Variants in ZMYND8 observed in about 807,000 individuals in gnomAD.
ZMYND8 encodes the protein MYND-type zinc finger-containing chromatin reader ZMYND8.
In ZMYND8, 37 loss-of-function variants were observed where a neutral mutation model predicts 140.8. The ratio of observed to expected loss-of-function variants is 0.26; its 90% CI spans 0.20 to 0.35. The LOEUF is 0.35. ZMYND8 is among the 10% of genes least tolerant of loss of function. The pLI, the probability that ZMYND8 is intolerant of heterozygous loss-of-function variation, is 1.00. For synonymous variants in ZMYND8, 592 were observed against 597.1 expected, an observed-to-expected ratio of 0.99 and a Z score of 0.12; for missense variants, 1,068 against 1,570.0, an observed-to-expected ratio of 0.68 and a Z score of 5.40.
At chr20:47,249,220 G>T in intron 13 of ZMYND8, 67 bp downstream of exon 13, 1 of 1,548,688 alleles carries the variant, frequency 6.5e-7, no homozygotes, top group Non-Finnish European at 8.8e-7. Context: ...TTTCATCCAG[G>T]TGGTATCCCT....
At chr20:47,335,051 G>T (rs2081286265) in intron 2 of ZMYND8, among the ~76,000 whole-genome samples, 1 of 152,028 alleles carries the variant, frequency 6.6e-6, no homozygotes, top group Non-Finnish European at 1.5e-5. Context: ...TTCAAGACCA[G>T]CCTGGGCAAC....
chr20:47,260,655 G>A (rs1310239077), intron 12 of ZMYND8, among the ~76,000 whole-genome samples: 3 of 152,176 alleles, frequency 2.0e-5, no homozygotes, highest in Non-Finnish European at 4.4e-5. Flanking sequence ...TGTGACATCT[G>A]CTTCGCAACT....
At chr20:47,308,117 C>CAA (rs1223467106) in intron 3 of ZMYND8, among the ~76,000 whole-genome samples, 106 of 103,684 alleles carry the variant, frequency 1.0e-3, no homozygotes, top group Middle Eastern at 0.01. Context: ...GACTCTGTCT[C>CAA]AAAAAAAAAA....
chr20:47,277,669 T>G (rs541878005), intron 10 of ZMYND8, among the ~76,000 whole-genome samples: 143 of 151,574 alleles, frequency 9.4e-4, no homozygotes, highest in South Asian at 3.5e-3. Flanking sequence ...ATTTATTTAT[T>G]TATTTATTTA....
At position 47,298,334 on chromosome 20, in the gene ZMYND8, T is replaced by C. The variant is rs977663153; in HGVS notation, c.453+395A>G. Reference sequence around the variant, plus strand: ...AACGTGGTCTTCTCAGCTTGGCTACTGCTGATGATTCAATGATGCGGCAGG... The same window carrying C: ...AACGTGGTCTTCTCAGCTTGGCTACCGCTGATGATTCAATGATGCGGCAGG... On this transcript the variant is annotated intron_variant, in intron 4 of 22. Coordinates refer to ENST00000471951, the MANE Select transcript of ZMYND8 (RefSeq NM_001281775.3). The surrounding 1 kb of genome is among the most constrained non-coding windows in gnomAD (Gnocchi z 5.0). The C allele has an allele frequency of 1.0e-6, 1 of 985,262 alleles. No homozygotes were observed. Among genetic ancestry groups the C allele is most frequent in the African/African-American group, 1.7e-5 (1 of 57,222 alleles). 61.0% of individuals were successfully genotyped at this position (985,262 alleles called of 1,614,324 possible). A position where few individuals can be genotyped will look rare whatever the true frequency, so the allele number is the denominator to read the frequency against.
At chr20:47,291,942 A>G in intron 5 of ZMYND8, 54 bp from the exon 6 acceptor site, 1 of 1,484,120 alleles carries the variant, frequency 6.7e-7, no homozygotes, top group Non-Finnish European at 9.2e-7. Context: ...ATGGAAAACC[A>G]AGCATTAATG....
rs146180450 is a variant in ZMYND8 at position 47,300,785 on chromosome 20, C to G, written c.235-1838G>C. 6.7e-3 allele frequency among the ~76,000 whole-genome samples: 1,019 copies of G among 152,138 alleles called. 10 individuals carry two copies. Among genetic ancestry groups the G allele is most frequent in the South Asian group, 0.045 (217 of 4,816 alleles). On this transcript the variant is annotated intron_variant, in intron 3 of 22. Coordinates refer to ENST00000471951, the MANE Select transcript of ZMYND8 (RefSeq NM_001281775.3). ...GCTGGAGTACAGTGGCAAGATCTCA[C>G]CTCACTGCAACCTCCACCTCTGAGG...
At chr20:47,299,846 T>C (rs1015990738) in intron 3 of ZMYND8, among the ~76,000 whole-genome samples, 1 of 152,150 alleles carries the variant, frequency 6.6e-6, no homozygotes, top group South Asian at 2.1e-4. Context: ...CCTCCCAAAG[T>C]GCTGGGATTA....
intron 21 of ZMYND8, among the ~76,000 whole-genome samples, chr20:47,216,348 AGTTG>A (rs1403236686): frequency 6.6e-6 from 1 of 151,274 alleles, no homozygotes; most frequent in Non-Finnish European, 1.5e-5. Context: ...ACAAAAAATT[AGTTG>A]GGCATGGTGA....
In ZMYND8 at chr20:47,212,638, T is replaced by C. The variant is rs2035452055; in HGVS notation, c.3568+4A>G. 1 of 1,613,676 alleles carries C rather than the reference T, an allele frequency of 6.2e-7. No homozygotes were observed. The highest frequency in any genetic ancestry group is 1.3e-5 in the African/African-American group (1 of 74,900). On this transcript the variant is annotated splice_donor_region_variant and intron_variant, in intron 22 of 22. Transcript: ENST00000471951. ...CAGCTTTCGTAAGACAGGTTCATAC[T>C]TACACTTCTGGGCGGGGTAGTTGGG...
chr20:47,218,928 A>G (rs1466475121), intron 21 of ZMYND8, among the ~76,000 whole-genome samples: 1 of 152,106 alleles, frequency 6.6e-6, no homozygotes, highest in East Asian at 1.9e-4. Flanking sequence ...TTTGCTTTTC[A>G]GCTCAAGAGA....
rs1003580759 is a variant in ZMYND8, at chr20:47,219,359, C to A, written c.3484+899G>T. On this transcript the variant is annotated intron_variant, in intron 21 of 22. Transcript: ENST00000471951. ...GCATGAGCCACTGCGCCCGGCCTAC[C>A]AAAATTTTTTTAAAAAATTAGCCAG... 4.0e-5 allele frequency among the ~76,000 whole-genome samples: 6 copies of A among 151,356 alleles called. No individual in the cohort carries two copies. The South Asian group carries it at 1.1e-3, about 27-fold the overall frequency.
intron 2 of ZMYND8, among the ~76,000 whole-genome samples, chr20:47,333,053 A>C (rs1407944151): frequency 6.6e-6 from 1 of 152,218 alleles, no homozygotes; most frequent in Admixed American, 6.5e-5. Context: ...AAGTACCAGA[A>C]GTCAAAAATG....
chr20:47,297,534 A>C (rs1048278485), intron 4 of ZMYND8, among the ~76,000 whole-genome samples: 2 of 152,118 alleles, frequency 1.3e-5, no homozygotes, highest in South Asian at 4.2e-4. Context: ...TGATCCTCCA[A>C]GCTCACCCTC....
intron 21 of ZMYND8, among the ~76,000 whole-genome samples, chr20:47,215,091 G>A (rs991814322): frequency 4.6e-5 from 7 of 152,086 alleles, no homozygotes; most frequent in Non-Finnish European, 8.8e-5. Context: ...TAAAAATGTC[G>A]GCCAGGCATG....
chr20:47,277,651 TTTTATTTATTTATTTATTTA>T (rs35308600), intron 10 of ZMYND8, among the ~76,000 whole-genome samples: 19 of 147,520 alleles, frequency 1.3e-4, no homozygotes, highest in Admixed American at 3.4e-4. Flanking sequence ...AATTAATTCA[TTTTATTTATTTATTTATTTA>T]TTTATTTATT....
chr20:47,273,569 GTAAA>G (rs1192280779), intron 11 of ZMYND8, among the ~76,000 whole-genome samples: 4 of 152,076 alleles, frequency 2.6e-5, no homozygotes, highest in African/African-American at 9.7e-5. Flanking sequence ...ATTTAAATAA[GTAAA>G]TAAATTCCGG....
chr20:47,231,496 C>T (rs562111089), intron 16 of ZMYND8, among the ~76,000 whole-genome samples: 31 of 152,276 alleles, frequency 2.0e-4, no homozygotes, highest in African/African-American at 2.6e-4. Flanking sequence ...TTACCTGCCA[C>T]GGAGTAGGTG....
chr20:47,276,812 T>A lies in ZMYND8; in HGVS notation c.999-17A>T. On this transcript the variant is annotated splice_polypyrimidine_tract_variant and intron_variant, in intron 10 of 22. Transcript: ENST00000471951. ...ACCCAGGCCCTAGAAGGGCAAAAGA[T>A]AAAGAGAGTTTAAGTCAACTTCAGT... The A allele has an allele frequency of 1.9e-6, 3 of 1,565,722 alleles. No homozygotes were observed. Among genetic ancestry groups the A allele is most frequent in the Non-Finnish European group, 2.6e-6 (3 of 1,160,014 alleles).
Sources: gnomAD v4.1 joint callset for allele counts (sites outside exome capture counted in the v4.1 genomes callset) on GRCh38, gnomAD v4.1.1 for gene constraint, Gnocchi (gnomAD v3.1) non-coding constraint, MANE v1.5 for transcripts, NCBI Gene and HGNC (gene_info 2026-07-23, HGNC 2026-07-21) for gene names.